SENP7: variants seen among roughly 807,000 people sequenced by gnomAD.
The protein encoded by SENP7 is sentrin-specific protease 7.
In SENP7, 64 loss-of-function variants were observed where a neutral mutation model predicts 141.2. The ratio of observed to expected loss-of-function variants is 0.45; its 90% confidence interval spans 0.37 to 0.56. The LOEUF (loss-of-function observed/expected upper bound fraction) is 0.56. Ranked by LOEUF, SENP7 falls within the 20% of genes least tolerant of loss-of-function variation. The probability of loss-of-function intolerance (pLI) is 0.00; values close to 1 mark genes in which losing one functional copy is unlikely to be tolerated. For synonymous variants in SENP7, 382 were observed against 426.4 expected, an observed-to-expected ratio of 0.90 and a Z score of 1.28; for missense variants, 1,025 against 1,212.2, an observed-to-expected ratio of 0.85 and a Z score of 2.29.
chr3:101,408,180 G>C (rs992011125), intron 5 of SENP7, among the ~76,000 whole-genome samples: 3 of 152,056 alleles, frequency 2.0e-5, no homozygotes, highest in African/African-American at 7.2e-5. Flanking sequence ...AGAAAACCTA[G>C]AAGAGAAGAA....
intron 11 of SENP7, chr3:101,357,422 G>C: frequency 2.3e-6 from 2 of 882,470 alleles, no homozygotes; most frequent in Non-Finnish European, 3.6e-6. Flanking sequence ...TCTGGAACAA[G>C]GGAAAAAACC....
chr3:101,394,510 T>TA (rs2060907817), intron 6 of SENP7, among the ~76,000 whole-genome samples: 2 of 144,710 alleles, frequency 1.4e-5, no homozygotes, highest in African/African-American at 5.0e-5. Context: ...ATGTTTCTTT[T>TA]TAAAAATTTT....
chr3:101,459,090 T>A, intron 3 of SENP7, 38 bp from the exon 4 acceptor site: 1 of 1,195,870 alleles, frequency 8.4e-7, no homozygotes, highest in South Asian at 1.4e-5. Context: ...AATAAACATA[T>A]CAATATGACA....
intron 5 of SENP7, among the ~76,000 whole-genome samples, chr3:101,410,645 G>A (rs1428731138): frequency 1.3e-5 from 2 of 151,932 alleles, no homozygotes; most frequent in Non-Finnish European, 2.9e-5. Context: ...TCAGGAGTTC[G>A]AGACCAGCTT....
chr3:101,360,629 G>C (rs982678024), intron 11 of SENP7, among the ~76,000 whole-genome samples: 2 of 152,168 alleles, frequency 1.3e-5, no homozygotes, highest in Admixed American at 1.3e-4. Context: ...TGCCTGCTTA[G>C]AGTGGAAACA....
At chr3:101,499,163 C>A (rs1480251324) in intron 2 of SENP7, among the ~76,000 whole-genome samples, 1 of 152,052 alleles carries the variant, frequency 6.6e-6, no homozygotes, top group Non-Finnish European at 1.5e-5. Context: ...GTTTAAGAAA[C>A]ACTGTAGTAC....
rs577089309 is a variant in SENP7, at chr3:101,407,074, C to A, written c.483-8019G>T. Among the ~76,000 whole-genome samples, 13 of 152,254 alleles carry A rather than the reference C, an allele frequency of 8.5e-5. No homozygotes were observed. In the South Asian group the frequency reaches 2.7e-3, roughly 32 times the overall value. On this transcript the variant is annotated intron_variant, in intron 5 of 23. Transcript: ENST00000394095. The stretch of plus-strand genomic sequence containing the variant: ...AAGAACTGCTAAAAGGAGCTCTAAA[C>A]CTTAAAACAAATCCTAGAAACACAT...
At chr3:101,370,999 TAA>T (rs1344929066) in intron 7 of SENP7, among the ~76,000 whole-genome samples, 1 of 152,154 alleles carries the variant, frequency 6.6e-6, no homozygotes. Flanking sequence ...CACTCAAAAA[TAA>T]AACAGTGGCC....
At chr3:101,367,591 T>G (rs1056278922) in intron 8 of SENP7, among the ~76,000 whole-genome samples, 15 of 151,914 alleles carry the variant, frequency 9.9e-5, no homozygotes, top group African/African-American at 3.1e-4. Flanking sequence ...TACAAGAAAA[T>G]AAGCAATTTT....
intron 13 of SENP7, among the ~76,000 whole-genome samples, chr3:101,345,452 C>T (rs1166401728): frequency 6.6e-6 from 1 of 152,018 alleles, no homozygotes; most frequent in Non-Finnish European, 1.5e-5. Flanking sequence ...CTATATTCCT[C>T]CTTGGCTAGC....
chr3:101,407,981 T>C (rs1018754959), intron 5 of SENP7, among the ~76,000 whole-genome samples: 10 of 151,228 alleles, frequency 6.6e-5, no homozygotes, highest in Non-Finnish European at 1.2e-4. Context: ...AAAAGATAAA[T>C]GAAACAAAAA....
At chr3:101,376,474 TAACATC>T (rs2060331861) in intron 6 of SENP7, among the ~76,000 whole-genome samples, 1 of 151,688 alleles carries the variant, frequency 6.6e-6, no homozygotes, top group South Asian at 2.1e-4. Flanking sequence ...TAATACAGAG[TAACATC>T]AACAAGTAAA....
Position 101,343,973 on chromosome 3 carries a change from AT to A in SENP7, c.1838-20del. 7.0e-7 allele frequency: 1 copy of A among 1,428,494 alleles called. No individual in the cohort carries two copies. Among genetic ancestry groups the A allele is most frequent in the Non-Finnish European group, 9.5e-7 (1 of 1,052,128 alleles). The allele number at this position is 1,428,494 out of a possible 1,614,324, so 88.5% of individuals were successfully genotyped here. A position where few individuals can be genotyped will look rare whatever the true frequency, so the allele number is the denominator to read the frequency against. On this transcript the variant is annotated intron_variant, in intron 13 of 23. Coordinates refer to ENST00000394095, the MANE Select transcript of SENP7 (RefSeq NM_020654.5). The stretch of plus-strand genomic sequence containing the variant: ...GATTTTGCTACAAAAGGAAAAAATA[AT>A]TTGTATCAATAGTATTATTTTTCAA...
chr3:101,369,159 C>T (rs1429292726), intron 7 of SENP7, among the ~76,000 whole-genome samples: 2 of 152,080 alleles, frequency 1.3e-5, no homozygotes, highest in African/African-American at 2.4e-5. Flanking sequence ...AAATACCTTC[C>T]AAAAGTTTCC....
intron 6 of SENP7, among the ~76,000 whole-genome samples, chr3:101,390,513 A>G (rs2060789474): frequency 6.6e-6 from 1 of 152,222 alleles, no homozygotes; most frequent in Non-Finnish European, 1.5e-5. Context: ...GAGACAAAGA[A>G]CTACATTATA....
At chr3:101,418,502 C>T (rs1231862659) in intron 4 of SENP7, among the ~76,000 whole-genome samples, 1 of 152,012 alleles carries the variant, frequency 6.6e-6, no homozygotes, top group African/African-American at 2.4e-5. Flanking sequence ...CTACCAAGTG[C>T]ATTTAAAACA....
chr3:101,457,671 A>C (rs1204820499), intron 4 of SENP7: 6 of 1,409,976 alleles, frequency 4.3e-6, no homozygotes, highest in Non-Finnish European at 6.0e-6. Flanking sequence ...TTTCCCACCA[A>C]TGCACACTTG....
At chr3:101,506,019 A>ATTTTTTTTTTTTTTTTTTTTTTT (rs143265103) in intron 1 of SENP7, among the ~76,000 whole-genome samples, 2 of 142,126 alleles carry the variant, frequency 1.4e-5, no homozygotes. Context: ...TTTATTCCAT[A>ATTTTTTTTTTTTTTTTTTTTTTT]ATTTTTTTTT....
chr3:101,472,500 G>A (rs377563306), intron 3 of SENP7, among the ~76,000 whole-genome samples: 9 of 152,078 alleles, frequency 5.9e-5, no homozygotes, highest in East Asian at 3.9e-4. Flanking sequence ...GGGACCTGTC[G>A]CGGGGTGGGG....
Sources: allele counts gnomAD v4.1 joint callset (sites outside exome capture counted in the v4.1 genomes callset), GRCh38; gene constraint gnomAD v4.1.1; transcripts MANE v1.5; gene names NCBI Gene and HGNC (gene_info 2026-07-23, HGNC 2026-07-21).